CDH12: variants seen among roughly 807,000 people sequenced by gnomAD.
CDH12 encodes the protein cadherin 12.
A neutral mutation model predicts 74.1 loss-of-function variants in CDH12; 41 were observed. The ratio of observed to expected loss-of-function variants is 0.55; its 90% CI spans 0.43 to 0.72. The LOEUF (loss-of-function observed/expected upper bound fraction) is 0.72, where lower values mean the gene tolerates loss of function less well. Among genes scored for constraint, CDH12 ranks in the 30% least tolerant of loss-of-function variants. The pLI is 0.00. For synonymous variants in CDH12, 399 were observed against 355.0 expected, an observed-to-expected ratio of 1.12 and a Z score of -1.39; for missense variants, 945 against 977.2, an observed-to-expected ratio of 0.97 and a Z score of 0.44.
chr5:22,799,847 C>G (rs1016397890), intron 1 of CDH12, among the ~76,000 whole-genome samples: 3 of 152,002 alleles, frequency 2.0e-5, no homozygotes, highest in Non-Finnish European at 2.9e-5. Context: ...TATTAATAAG[C>G]ATAATTTTTG....
At chr5:22,127,478 G>A (rs1392602562) in intron 4 of CDH12, among the ~76,000 whole-genome samples, 38 of 106,748 alleles carry the variant, frequency 3.6e-4, no homozygotes, top group East Asian at 5.5e-4. Flanking sequence ...ACTCCATCTC[G>A]AAAAAAAAAA....
intron 8 of CDH12, among the ~76,000 whole-genome samples, chr5:21,833,275 A>ATATGTTATATAACATATAATATATAT (rs1749278844): frequency 3.7e-5 from 2 of 54,478 alleles, no homozygotes; most frequent in Non-Finnish European, 5.3e-5. Context: ...AATATATATT[A>ATATGTTATATAACATATAATATATAT]TATGTTATAT....
chr5:21,804,643 A>AAAAAAT (rs1554032478), intron 9 of CDH12, among the ~76,000 whole-genome samples: 12,460 of 115,202 alleles, frequency 0.11, 925 homozygotes, highest in East Asian at 0.19. Flanking sequence ...AGTGAATTAA[A>AAAAAAT]ACACACACAC....
At chr5:22,248,264 G>A (rs1009727197) in intron 3 of CDH12, among the ~76,000 whole-genome samples, 10 of 152,010 alleles carry the variant, frequency 6.6e-5, no homozygotes, top group East Asian at 1.9e-4. Context: ...GCACCATTGC[G>A]CTATAGCCTG....
intron 11 of CDH12, among the ~76,000 whole-genome samples, chr5:21,773,376 C>T (rs1745426364): frequency 6.6e-6 from 1 of 152,144 alleles, no homozygotes; most frequent in Non-Finnish European, 1.5e-5. Context: ...TAATCAACTG[C>T]CAGTGGGGTT....
chr5:22,506,400 C>T (rs1272690236), intron 1 of CDH12, among the ~76,000 whole-genome samples: 1 of 152,052 alleles, frequency 6.6e-6, no homozygotes, highest in Non-Finnish European at 1.5e-5. Flanking sequence ...TAATACAATA[C>T]TACACTGTTT....
At chr5:22,492,253 T>TA (rs1231475618) in intron 2 of CDH12, among the ~76,000 whole-genome samples, 1 of 151,960 alleles carries the variant, frequency 6.6e-6, no homozygotes, top group African/African-American at 2.4e-5. Flanking sequence ...ACAGCAGAGA[T>TA]AACCAGTAAG....
chr5:21,920,579 T>C (rs1160698847), intron 6 of CDH12, among the ~76,000 whole-genome samples: 9 of 151,604 alleles, frequency 5.9e-5, no homozygotes, highest in Admixed American at 3.9e-4. Flanking sequence ...CTAATGTATA[T>C]GATGGGTTGA....
At chr5:22,333,487 T>C (rs1413965352) in intron 3 of CDH12, among the ~76,000 whole-genome samples, 1 of 151,956 alleles carries the variant, frequency 6.6e-6, no homozygotes, top group Non-Finnish European at 1.5e-5. Context: ...TAAAATTGTT[T>C]AAAAAAGTCT....
chr5:22,384,639 A>G (rs1200999570), intron 3 of CDH12, among the ~76,000 whole-genome samples: 1 of 152,170 alleles, frequency 6.6e-6, no homozygotes, highest in Non-Finnish European at 1.5e-5. Context: ...TATGTTCCTC[A>G]GTAACAACAG....
At chr5:22,304,945 C>T (rs917678982) in intron 3 of CDH12, among the ~76,000 whole-genome samples, 2 of 152,094 alleles carry the variant, frequency 1.3e-5, no homozygotes, top group African/African-American at 2.4e-5. Context: ...TGTAAACCTT[C>T]GAAAATACTA....
chr5:21,812,773 G>T (rs1747820030), intron 9 of CDH12, among the ~76,000 whole-genome samples: 1 of 152,078 alleles, frequency 6.6e-6, no homozygotes, highest in Admixed American at 6.6e-5. Context: ...TTACAAAAAT[G>T]TCCTCCTGAG....
chr5:22,518,850 G>C (rs1736920382), intron 1 of CDH12, among the ~76,000 whole-genome samples: 1 of 152,044 alleles, frequency 6.6e-6, no homozygotes, highest in African/African-American at 2.4e-5. Flanking sequence ...TTGGAAACAA[G>C]AGAGAAAGTA....
Position 22,600,702 on chromosome 5 carries a change from A to G in CDH12, c.-522-95338T>C, listed in dbSNP as rs535099290. Among the ~76,000 whole-genome samples the G allele has an allele frequency of 5.1e-4, 77 of 151,932 alleles. 2 individuals carry two copies. In the South Asian group the frequency reaches 0.015, roughly 30 times the overall value. On this transcript the variant is annotated intron_variant, in intron 1 of 14. Coordinates refer to ENST00000382254, the MANE Select transcript of CDH12 (RefSeq NM_004061.5). ...AATGCCAGATTTTTCCTTTGGTACTATTTAGTATAGTTTATCTTTTTTTCA... is the reference window on the plus strand; with the variant it reads ...AATGCCAGATTTTTCCTTTGGTACTGTTTAGTATAGTTTATCTTTTTTTCA...
chr5:21,771,581 C>T (rs1217627669), intron 11 of CDH12, among the ~76,000 whole-genome samples: 5 of 151,996 alleles, frequency 3.3e-5, no homozygotes, highest in Non-Finnish European at 1.5e-5. Flanking sequence ...AAAGGAGTGT[C>T]TGGGTTAAGA....
chr5:22,171,882 A>C (rs1749050799), intron 4 of CDH12, among the ~76,000 whole-genome samples: 1 of 151,954 alleles, frequency 6.6e-6, no homozygotes, highest in Non-Finnish European at 1.5e-5. Context: ...GTGCAAGGTT[A>C]ATCCAGGAAG....
intron 3 of CDH12, among the ~76,000 whole-genome samples, chr5:22,219,749 A>C (rs1433505534): frequency 6.6e-6 from 1 of 151,692 alleles, no homozygotes; most frequent in East Asian, 1.9e-4. Flanking sequence ...ACCAGCAAAG[A>C]GCAATTATGA....
intron 4 of CDH12, among the ~76,000 whole-genome samples, chr5:22,146,937 C>T (rs760850876): frequency 5.2e-4 from 79 of 151,600 alleles, no homozygotes; most frequent in Non-Finnish European, 9.7e-4. Flanking sequence ...ATAGGATCAG[C>T]TTAGCCATTA....
At chr5:22,166,740 C>G (rs1195863385) in intron 4 of CDH12, among the ~76,000 whole-genome samples, 1 of 152,058 alleles carries the variant, frequency 6.6e-6, no homozygotes, top group Non-Finnish European at 1.5e-5. Flanking sequence ...CATAAAAATG[C>G]TGTTTCTCTA....
Sources: gnomAD v4.1 joint callset for allele counts (sites outside exome capture counted in the v4.1 genomes callset) on GRCh38, gnomAD v4.1.1 for gene constraint, MANE v1.5 for transcripts, NCBI Gene and HGNC (gene_info 2026-07-23, HGNC 2026-07-21) for gene names.